The following BTNL9 variants were observed in gnomAD, a reference collection of about 807,000 sequenced individuals.
BTNL9 encodes butyrophilin like 9, also known as butyrophilin-like protein 9.
In BTNL9, 45 loss-of-function variants were observed where a neutral mutation model predicts 45.8. The ratio of observed to expected loss-of-function variants is 0.98; its 90% CI spans 0.77 to 1.26. BTNL9 has a LOEUF of 1.26. Ranked by LOEUF, BTNL9 falls within the 50% of genes most tolerant of loss-of-function variation. BTNL9 has a pLI of 0.00. For synonymous variants in BTNL9, 346 were observed against 330.8 expected (o/e 1.05, Z -0.50); for missense variants, 784 against 729.7 (o/e 1.07, Z -0.86).
At chr5:181,049,310 C>A (rs1761406910) in intron 3 of BTNL9, among the ~76,000 whole-genome samples, 1 of 152,104 alleles carries the variant, frequency 6.6e-6, no homozygotes, top group Middle Eastern at 3.2e-3. Context: ...ATAGTGGAAA[C>A]CACCTAAATG....
chr5:181,048,764 T>TAG (rs1371021720), intron 3 of BTNL9, among the ~76,000 whole-genome samples: 59 of 139,548 alleles, frequency 4.2e-4, no homozygotes, highest in Admixed American at 1.7e-3. Context: ...GATATAGATA[T>TAG]ATATAGTATG....
At chr5:181,048,723 A>C (rs991533202) in intron 3 of BTNL9, among the ~76,000 whole-genome samples, 18 of 124,610 alleles carry the variant, frequency 1.4e-4, no homozygotes, top group East Asian at 6.3e-4. Flanking sequence ...ATATATATAT[A>C]TATCTATATA....
rs1761296641 is a variant in BTNL9 at position 181,048,258 on chromosome 5, A to G, written c.441A>G (p.Glu147=). ...SDNFSGEALW[E]LEVAGLGSDP... ...ACTTCTCTGGCGAAGCTCTCTGGGA[A>G]CTGGAGGTAGCAGGTGCGTGGACTG... Residue 147 remains glutamate, a synonymous_variant, in exon 3 of 11, where the codon GAA becomes GAG. Transcript: ENST00000327705. 2 of 1,610,310 alleles carry G rather than the reference A, an allele frequency of 1.2e-6. No homozygotes were observed. Among genetic ancestry groups the G allele is most frequent in the Non-Finnish European group, 1.7e-6 (2 of 1,177,690 alleles).
chr5:181,046,712 A>G (rs1054776739), intron 2 of BTNL9, among the ~76,000 whole-genome samples: 2 of 150,978 alleles, frequency 1.3e-5, no homozygotes, highest in African/African-American at 4.9e-5. Flanking sequence ...AGAGAGAGGG[A>G]GAGAGAGAGA....
chr5:181,046,553 G>A (rs1012740266), intron 2 of BTNL9, among the ~76,000 whole-genome samples: 2 of 152,164 alleles, frequency 1.3e-5, no homozygotes, highest in Admixed American at 1.3e-4. Context: ...TCCTGGGCTG[G>A]AAACCAGGAA....
chr5:181,048,059 A>G lies in BTNL9; in HGVS notation c.242A>G (p.Asn81Ser). 1 of 1,613,686 alleles carries G rather than the reference A, an allele frequency of 6.2e-7. No individual in the cohort carries two copies. Among genetic ancestry groups the G allele is most frequent in the South Asian group, 1.1e-5 (1 of 91,064 alleles). Residue 81 changes from asparagine (N) to serine (S), a missense_variant, in exon 3 of 11, where the codon AAT becomes AGT. Asn to Ser is a conservative substitution (Grantham distance 46, BLOSUM62 1). Transcript: ENST00000327705. ...EIRWFRSQTF[N>S]VVHLYQEQQE... ...CGCTGGTTCCGGAGTCAGACCTTCA[A>G]TGTGGTACACCTGTACCAGGAGCAG...
Position 181,059,879 on chromosome 5 carries a change from C to T in BTNL9, c.*17C>T, listed in dbSNP as rs1290328581. 3.4e-6 allele frequency: 5 copies of T among 1,484,414 alleles called. No individual in the cohort carries two copies. Among genetic ancestry groups the T allele is most frequent in the African/African-American group, 1.6e-5 (1 of 60,756 alleles). 92.0% of individuals were successfully genotyped at this position (1,484,414 alleles called of 1,614,324 possible). A position where few individuals can be genotyped will look rare whatever the true frequency, so the allele number is the denominator to read the frequency against. Reference sequence around the variant, plus strand: ...TGGTGGTGAGGCGCCCTCGTGGCCGCGGGACTGGCCCCGGGGGGCCCCCTG... The same window carrying T: ...TGGTGGTGAGGCGCCCTCGTGGCCGTGGGACTGGCCCCGGGGGGCCCCCTG... On this transcript the variant is annotated 3_prime_UTR_variant, in exon 11 of 11. Transcript: ENST00000327705.
Position 181,053,341 on chromosome 5 carries a change from G to A in BTNL9, c.853+25G>A, listed in dbSNP as rs778923657. ...GGTACCGGCGCGGGCGGCGGGGCGG[G>A]GAGGGGCACCGGCCGGTGCTGAACC... is the stretch of plus-strand genomic sequence containing the variant. On this transcript the variant is annotated intron_variant, in intron 5 of 10. Transcript: ENST00000327705. This position sits in a 1 kb window ranked among gnomAD's most constrained non-coding sequence, Gnocchi z 6.5. 11 of 1,522,292 alleles carry A rather than the reference G, an allele frequency of 7.2e-6. No homozygotes were observed. The highest frequency in any genetic ancestry group is 1.9e-4 in the Middle Eastern group (1 of 5,158). 94.3% of individuals were successfully genotyped at this position (1,522,292 alleles called of 1,614,324 possible).
Position 181,045,603 on chromosome 5 carries a change from T to G in BTNL9, c.109+5T>G. ...AGCCTGGGGAGCCGAGCTCAGGTAT[T>G]GTGTCTGCAGCCTAGCTGGCCAGGA... On this transcript the variant is annotated splice_donor_5th_base_variant and intron_variant, in intron 2 of 10. Transcript: ENST00000327705. 1 of 1,605,004 alleles carries G rather than the reference T, an allele frequency of 6.2e-7. No individual in the cohort carries two copies. Among genetic ancestry groups the G allele is most frequent in the Non-Finnish European group, 8.5e-7 (1 of 1,172,820 alleles).
chr5:181,054,728 A>G (rs1215791561), intron 7 of BTNL9: 22 of 985,170 alleles, frequency 2.2e-5, no homozygotes, highest in Non-Finnish European at 2.5e-5. Flanking sequence ...AATGGAGGAA[A>G]AGGCCATCAT....
rs751481747 is a variant in BTNL9, at chr5:181,048,074, A to G, written c.257A>G (p.Tyr86Cys). The G allele has an allele frequency of 4.3e-6, 7 of 1,613,678 alleles. No individual in the cohort carries two copies. In the South Asian group the frequency reaches 6.6e-5, roughly 15 times the overall value. ...CAGACCTTCAATGTGGTACACCTGTACCAGGAGCAGCAGGAGCTCCCTGGC... is the reference window on the plus strand; with the variant it reads ...CAGACCTTCAATGTGGTACACCTGTGCCAGGAGCAGCAGGAGCTCCCTGGC... ...RSQTFNVVHL[Y>C]QEQQELPGRQ... The change falls in exon 3 of 11, where the codon TAC becomes TGC. Residue 86 changes from tyrosine (Y) to cysteine (C), a missense_variant. Coordinates refer to ENST00000327705, the MANE Select transcript of BTNL9 (RefSeq NM_152547.5).
Position 181,053,240 on chromosome 5 carries a change from C to G in BTNL9, c.777C>G (p.Phe259Leu). 1 of 1,588,714 alleles carries G rather than the reference C, an allele frequency of 6.3e-7. No homozygotes were observed. Residue 259 changes from phenylalanine (F) to leucine (L), a missense_variant, in exon 5 of 11, where the codon TTC becomes TTG. Phe to Leu is a conservative substitution (Grantham distance 22, BLOSUM62 0). Transcript: ENST00000327705. The surrounding 1 kb of genome is among the most constrained non-coding windows in gnomAD (Gnocchi z 6.5). ...GAGCCTCTGCGTGGAAGAGCGCGTTCGTCGCGACCCTGCCGCTGCTGTTGG... is the reference window on the plus strand; with the variant it reads ...GAGCCTCTGCGTGGAAGAGCGCGTTGGTCGCGACCCTGCCGCTGCTGTTGG... The part of the protein sequence containing the change: ...VPGASAWKSA[F>L]VATLPLLLVL...
At chr5:181,056,574 G>A (rs1195811409) in intron 9 of BTNL9, 1 of 717,332 alleles carries the variant, frequency 1.4e-6, no homozygotes, top group Non-Finnish European at 2.6e-6. Flanking sequence ...CCTGGAGAAG[G>A]TATCCAGGCT....
At position 181,043,160 on chromosome 5, in the gene BTNL9, TGTTA is replaced by T. The variant is rs1378933223; in HGVS notation, c.-23-2303_-23-2300del. 7.9e-5 allele frequency among the ~76,000 whole-genome samples: 12 copies of T among 152,110 alleles called. 1 individual carries two copies. In the South Asian group the frequency reaches 2.3e-3, roughly 29 times the overall value. On this transcript the variant is annotated intron_variant, in intron 1 of 10. Coordinates refer to ENST00000327705, the MANE Select transcript of BTNL9 (RefSeq NM_152547.5). ...TGATAGATAGGAAGTACCCAATGCA[TGTTA>T]GTTTTATTACTGTCAGCACGTGTGT...
At position 181,055,185 on chromosome 5, in the gene BTNL9, C is replaced by T; in HGVS notation, c.908-248C>T. On this transcript the variant is annotated intron_variant, in intron 7 of 10. Transcript: ENST00000327705. The surrounding 1 kb of genome is among the most constrained non-coding windows in gnomAD (Gnocchi z 4.4). ...GGAAGAGGCCTGTCAGTACTAAGAT[C>T]TGGTATCCCTTCTAGGCTGTGTGCA... 1.5e-6 allele frequency: 2 copies of T among 1,353,082 alleles called. No individual in the cohort carries two copies. Among genetic ancestry groups the T allele is most frequent in the Non-Finnish European group, 1.9e-6 (2 of 1,052,402 alleles). 83.8% of individuals were successfully genotyped at this position (1,353,082 alleles called of 1,614,324 possible).
At chr5:181,043,433 C>T (rs1403405240) in intron 1 of BTNL9, 1 of 152,226 alleles carries the variant, frequency 6.6e-6, no homozygotes, top group East Asian at 1.9e-4. Context: ...CCCCTGTCCC[C>T]AGGAGGTGGC....
intron 9 of BTNL9, among the ~76,000 whole-genome samples, 190 bp from the exon 10 acceptor site, chr5:181,058,162 C>T (rs558496790): frequency 2.0e-5 from 3 of 152,318 alleles, no homozygotes; most frequent in Non-Finnish European, 4.4e-5. Flanking sequence ...CAGGCCTCTA[C>T]TCAATCTAAA....
In BTNL9 at chr5:181,050,682, A is replaced by G. The variant is rs768409991; in HGVS notation, c.736+313A>G. ...AGATTCGTAATGCTGTCTCTCAAACAGTATGTATTGAGTTTCCACAACGTG... is the reference window on the plus strand; with the variant it reads ...AGATTCGTAATGCTGTCTCTCAAACGGTATGTATTGAGTTTCCACAACGTG... On this transcript the variant is annotated intron_variant, in intron 4 of 10. Coordinates refer to ENST00000327705, the MANE Select transcript of BTNL9 (RefSeq NM_152547.5). This position sits in a 1 kb window ranked among gnomAD's most constrained non-coding sequence, Gnocchi z 4.9. Among the ~76,000 whole-genome samples, 1 of 152,328 alleles carries G rather than the reference A, an allele frequency of 6.6e-6. No individual in the cohort carries two copies. Among genetic ancestry groups the G allele is most frequent in the Non-Finnish European group, 1.5e-5 (1 of 68,028 alleles).
rs761824020 is a variant in BTNL9 at position 181,045,528 on chromosome 5, A to G, written c.39A>G (p.Pro13=). 10 of 1,612,332 alleles carry G rather than the reference A, an allele frequency of 6.2e-6. No individual in the cohort carries two copies. In the East Asian group the frequency reaches 1.8e-4, roughly 29 times the overall value. The change falls in exon 2 of 11, where the codon CCA becomes CCG. Residue 13 remains proline (P), a synonymous_variant. Transcript: ENST00000327705. ...CAGTCTCCCCAGACTCCTTGAAGCC[A>G]GTATCGCTGACCAGCAGTCTTGTCT... ...DLSVSPDSLK[P]VSLTSSLVFL...
Sources: allele counts gnomAD v4.1 joint callset (sites outside exome capture counted in the v4.1 genomes callset), GRCh38; gene constraint gnomAD v4.1.1; non-coding constraint Gnocchi (gnomAD v3.1); transcripts MANE v1.5; gene names NCBI Gene and HGNC (gene_info 2026-07-23, HGNC 2026-07-21).